The following STK32B variants were observed in gnomAD, a reference collection of about 807,000 sequenced individuals.
STK32B encodes the protein serine/threonine kinase 32B.
In STK32B, 43 loss-of-function variants were observed where a neutral mutation model predicts 52.6. The observed-to-expected ratio is 0.82, with a 90% CI of 0.64 to 1.05. The LOEUF (loss-of-function observed/expected upper bound fraction) is 1.05. STK32B is among the 50% of genes least tolerant of loss of function. The probability of loss-of-function intolerance (pLI) is 0.00; values close to 1 mark genes in which losing one functional copy is unlikely to be tolerated. For synonymous variants in STK32B, 238 were observed against 204.3 expected (o/e 1.17, Z -1.41); for missense variants, 621 against 534.6 (o/e 1.16, Z -1.59).
At chr4:5,437,831 A>G (rs778691328) in intron 6 of STK32B, 18 of 803,214 alleles carry the variant, frequency 2.2e-5, no homozygotes, top group Non-Finnish European at 2.7e-5. Context: ...AAACCTGTGT[A>G]GTTCTCTCAC....
At chr4:5,283,168 G>A (rs191370775) in intron 3 of STK32B, among the ~76,000 whole-genome samples, 6 of 152,120 alleles carry the variant, frequency 3.9e-5, no homozygotes, top group African/African-American at 1.2e-4. Flanking sequence ...AGATCGTGTG[G>A]TATTTCCCTC....
chr4:5,171,115 G>A (rs543403032), intron 3 of STK32B, among the ~76,000 whole-genome samples: 3,120 of 152,110 alleles, frequency 0.021, 37 homozygotes, highest in Non-Finnish European at 0.032. Flanking sequence ...CTTTTGAGAA[G>A]TGTCTGTTCA....
chr4:5,434,393 A>T (rs2109096442), intron 6 of STK32B, among the ~76,000 whole-genome samples: 1 of 152,114 alleles, frequency 6.6e-6, no homozygotes, highest in East Asian at 1.9e-4. Flanking sequence ...AAATTTTGGA[A>T]TATAAAACAT....
At chr4:5,367,739 G>A (rs1216539470) in intron 4 of STK32B, among the ~76,000 whole-genome samples, 2 of 152,102 alleles carry the variant, frequency 1.3e-5, no homozygotes, top group Admixed American at 6.5e-5. Context: ...TATTTTTATT[G>A]TATCCTTTCC....
At chr4:5,387,142 C>T (rs1427603455) in intron 4 of STK32B, among the ~76,000 whole-genome samples, 2 of 152,222 alleles carry the variant, frequency 1.3e-5, no homozygotes, top group African/African-American at 4.8e-5. Context: ...CAGCAGGAAG[C>T]GCTCGAGGAT....
chr4:5,410,023 CTGTGA>C (rs1490251008), intron 5 of STK32B, among the ~76,000 whole-genome samples: 69 of 152,220 alleles, frequency 4.5e-4, no homozygotes, highest in East Asian at 1.9e-3. Flanking sequence ...TACCATTGTC[CTGTGA>C]TAAGTTTGCT....
At chr4:5,149,794 A>G (rs1351068006) in intron 2 of STK32B, among the ~76,000 whole-genome samples, 1 of 151,836 alleles carries the variant, frequency 6.6e-6, no homozygotes, top group Non-Finnish European at 1.5e-5. Flanking sequence ...AAAAATTAGG[A>G]GGAAAATAGT....
chr4:5,358,814 A>G (rs1200586398), intron 4 of STK32B, among the ~76,000 whole-genome samples: 3 of 152,176 alleles, frequency 2.0e-5, no homozygotes, highest in Non-Finnish European at 4.4e-5. Context: ...AGGAAAATGT[A>G]GGGCTAGAAA....
chr4:5,375,308 C>T (rs1735517559), intron 4 of STK32B, among the ~76,000 whole-genome samples: 4 of 152,156 alleles, frequency 2.6e-5, no homozygotes, highest in Admixed American at 2.6e-4. Flanking sequence ...GCTCCTAGAG[C>T]CCCCACACTG....
intron 3 of STK32B, among the ~76,000 whole-genome samples, chr4:5,217,233 G>A (rs1408456578): frequency 1.3e-5 from 2 of 152,118 alleles, no homozygotes; most frequent in African/African-American, 2.4e-5. Context: ...ATTATTTCAG[G>A]CTTAGAGGCA....
At chr4:5,311,188 A>G (rs998089948) in intron 3 of STK32B, among the ~76,000 whole-genome samples, 1 of 152,200 alleles carries the variant, frequency 6.6e-6, no homozygotes, top group African/African-American at 2.4e-5. Flanking sequence ...GTTAACAACA[A>G]TTTATTGTAT....
At chr4:5,112,792 G>T (rs147568364) in intron 1 of STK32B, among the ~76,000 whole-genome samples, 1 of 152,148 alleles carries the variant, frequency 6.6e-6, no homozygotes, top group Non-Finnish European at 1.5e-5. Flanking sequence ...GTTTCACAAA[G>T]AGCTGGTGAA....
intron 3 of STK32B, among the ~76,000 whole-genome samples, chr4:5,287,715 A>G (rs1728645353): frequency 6.6e-6 from 1 of 152,020 alleles, no homozygotes; most frequent in Non-Finnish European, 1.5e-5. Context: ...ATGGTAGTAT[A>G]TTAAACATTG....
intron 1 of STK32B, among the ~76,000 whole-genome samples, chr4:5,117,531 A>G (rs942598284): frequency 6.6e-6 from 1 of 151,956 alleles, no homozygotes; most frequent in Non-Finnish European, 1.5e-5. Context: ...TGTGTGTTTC[A>G]TTTTATTGGC....
At chr4:5,238,784 TCTCA>T (rs1378543091) in intron 3 of STK32B, among the ~76,000 whole-genome samples, 1 of 152,184 alleles carries the variant, frequency 6.6e-6, no homozygotes, top group Non-Finnish European at 1.5e-5. Flanking sequence ...ACAATTGTGT[TCTCA>T]GAGTCCACTG....
At chr4:5,191,110 C>A (rs906676726) in intron 3 of STK32B, among the ~76,000 whole-genome samples, 1 of 152,168 alleles carries the variant, frequency 6.6e-6, no homozygotes, top group Non-Finnish European at 1.5e-5. Flanking sequence ...CCTCTGTTTT[C>A]TCTGCTGTGA....
intron 6 of STK32B, among the ~76,000 whole-genome samples, chr4:5,444,165 C>G (rs530369079): frequency 2.2e-3 from 339 of 152,166 alleles, no homozygotes; most frequent in Non-Finnish European, 3.7e-3. Context: ...TTTACCTAAT[C>G]AAGCCTGGGC....
At chr4:5,272,503 A>G (rs1230605285) in intron 3 of STK32B, among the ~76,000 whole-genome samples, 7 of 148,734 alleles carry the variant, frequency 4.7e-5, no homozygotes, top group African/African-American at 1.5e-4. Flanking sequence ...TTGGTATCAG[A>G]ATGATGCTGG....
chr4:5,480,817 G>T (rs1718636860), intron 11 of STK32B, among the ~76,000 whole-genome samples: 1 of 151,432 alleles, frequency 6.6e-6, no homozygotes, highest in South Asian at 2.1e-4. Context: ...CCACCTATCA[G>T]TGATAACATG....
Sources: gnomAD v4.1 joint callset for allele counts (sites outside exome capture counted in the v4.1 genomes callset) on GRCh38, gnomAD v4.1.1 for gene constraint, MANE v1.5 for transcripts, NCBI Gene and HGNC (gene_info 2026-07-23, HGNC 2026-07-21) for gene names.